Variants in SAMD12 observed in about 807,000 individuals in gnomAD.
SAMD12 encodes the protein sterile alpha motif domain-containing protein 12.
A neutral mutation model predicts 15.0 loss-of-function variants in SAMD12; 9 were observed. The ratio of observed to expected loss-of-function variants is 0.60; its 90% CI spans 0.36 to 1.05. The LOEUF is 1.05. Ranked by LOEUF, SAMD12 falls within the 50% of genes least tolerant of loss-of-function variation. The probability of loss-of-function intolerance (pLI) is 0.01; values close to 1 mark genes in which losing one functional copy is unlikely to be tolerated. For missense variants in SAMD12, 230 were observed against 234.2 expected, an observed-to-expected ratio of 0.98 and a Z score of 0.12; for synonymous variants, 86 against 90.1, an observed-to-expected ratio of 0.96 and a Z score of 0.25.
chr8:118,379,833 T>A, intron 3 of SAMD12, 133 bp from the exon 4 acceptor site: 2 of 1,091,572 alleles, frequency 1.8e-6, no homozygotes, highest in Non-Finnish European at 2.6e-6. Flanking sequence ...ATAAAGGTCT[T>A]CCATTATTAT....
intron 4 of SAMD12, among the ~76,000 whole-genome samples, chr8:118,340,363 T>C (rs1312365582): frequency 6.6e-6 from 1 of 152,204 alleles, no homozygotes; most frequent in Non-Finnish European, 1.5e-5. Flanking sequence ...GGAGGTAAAG[T>C]ATTTCAAGTA....
chr8:118,294,722 A>G (rs1383022416), intron 4 of SAMD12, among the ~76,000 whole-genome samples: 1 of 152,230 alleles, frequency 6.6e-6, no homozygotes, highest in Non-Finnish European at 1.5e-5. Context: ...ATCTACTGTC[A>G]ATAATCAGAA....
intron 4 of SAMD12, among the ~76,000 whole-genome samples, chr8:118,249,156 T>C (rs1812763605): frequency 6.6e-6 from 1 of 152,170 alleles, no homozygotes. Flanking sequence ...TTCAATGTAG[T>C]ATTTGGAAAT....
At chr8:118,270,334 C>T (rs1176001178) in intron 4 of SAMD12, among the ~76,000 whole-genome samples, 1 of 152,082 alleles carries the variant, frequency 6.6e-6, no homozygotes, top group Non-Finnish European at 1.5e-5. Flanking sequence ...TAAAATAAAA[C>T]GACTTTTCTT....
chr8:118,144,243 T>A, the SAMD12 span, among the ~76,000 whole-genome samples: 1 of 152,240 alleles, frequency 6.6e-6, no homozygotes, highest in Non-Finnish European at 1.5e-5. Flanking sequence ...AATTACATCT[T>A]CGAAGACTTT....
intron 2 of SAMD12, among the ~76,000 whole-genome samples, chr8:118,480,080 A>G (rs1824083248): frequency 6.6e-6 from 1 of 152,202 alleles, no homozygotes; most frequent in Non-Finnish European, 1.5e-5. Context: ...CTTCAGCATT[A>G]GGTAATTTAA....
At chr8:118,243,012 T>C (rs1812608478) in intron 4 of SAMD12, among the ~76,000 whole-genome samples, 1 of 152,116 alleles carries the variant, frequency 6.6e-6, no homozygotes, top group Non-Finnish European at 1.5e-5. Flanking sequence ...AGCTCCATCT[T>C]TGGTCTAAAG....
chr8:118,397,939 A>G (rs1820666432), intron 3 of SAMD12, among the ~76,000 whole-genome samples: 2 of 152,114 alleles, frequency 1.3e-5, no homozygotes, highest in African/African-American at 2.4e-5. Context: ...CCATCAGCAC[A>G]TATCACCATG....
intron 1 of SAMD12, among the ~76,000 whole-genome samples, chr8:118,608,818 C>G (rs73319388): frequency 1.3e-5 from 2 of 151,942 alleles, no homozygotes; most frequent in Non-Finnish European, 2.9e-5. Flanking sequence ...GAGGAAGGCA[C>G]GAGAGATGGG....
At chr8:118,610,147 A>C (rs1415706122) in intron 1 of SAMD12, among the ~76,000 whole-genome samples, 1 of 152,170 alleles carries the variant, frequency 6.6e-6, no homozygotes, top group African/African-American at 2.4e-5. Context: ...GCAGCATGAG[A>C]AAACAACAAA....
chr8:118,241,077 T>C (rs1812551672), intron 4 of SAMD12, among the ~76,000 whole-genome samples: 1 of 152,166 alleles, frequency 6.6e-6, no homozygotes, highest in Non-Finnish European at 1.5e-5. Context: ...ATTCATTGAT[T>C]TTAGGGACCA....
At chr8:118,456,803 C>G (rs551403468) in intron 2 of SAMD12, among the ~76,000 whole-genome samples, 1 of 152,158 alleles carries the variant, frequency 6.6e-6, no homozygotes, top group African/African-American at 2.4e-5. Flanking sequence ...ACAAAAGAAG[C>G]CTTTCTGTCA....
intron 2 of SAMD12, among the ~76,000 whole-genome samples, chr8:118,489,765 T>C (rs1437525283): frequency 6.6e-6 from 1 of 152,230 alleles, no homozygotes; most frequent in African/African-American, 2.4e-5. Context: ...CCAGTTGTTA[T>C]AATGGCTTCT....
chr8:118,403,553 A>C (rs918064836), intron 3 of SAMD12, among the ~76,000 whole-genome samples: 7 of 152,240 alleles, frequency 4.6e-5, no homozygotes, highest in African/African-American at 1.7e-4. Context: ...GTAGTCATGA[A>C]AATGAGGATT....
chr8:118,321,879 A>G (rs1208314570), intron 4 of SAMD12, among the ~76,000 whole-genome samples: 1 of 152,204 alleles, frequency 6.6e-6, no homozygotes, highest in African/African-American at 2.4e-5. Context: ...AGGTTTAAAT[A>G]TAAATACTTT....
At chr8:118,477,059 G>C (rs961456076) in intron 2 of SAMD12, among the ~76,000 whole-genome samples, 1 of 127,522 alleles carries the variant, frequency 7.8e-6, no homozygotes, top group Non-Finnish European at 1.6e-5. Context: ...TGATTCTGAG[G>C]CTTTCTTTTT....
chr8:118,558,752 T>C (rs1487355678), intron 2 of SAMD12, among the ~76,000 whole-genome samples: 3 of 151,950 alleles, frequency 2.0e-5, no homozygotes, highest in Non-Finnish European at 4.4e-5. Flanking sequence ...TAGAGACGGG[T>C]TTCACTGTGT....
Position 118,501,023 on chromosome 8 carries a change from A to T in SAMD12, c.193-61062T>A, listed in dbSNP as rs573095301. On this transcript the variant is annotated intron_variant, in intron 2 of 3. Coordinates refer to ENST00000314727, the MANE Select transcript of SAMD12 (RefSeq NM_207506.3). ...TCTGTGTGGAACAGCCACCCGGTAG[A>T]TGTGGAATGGGGGGAATGCCTCTCT... Among the ~76,000 whole-genome samples the T allele has an allele frequency of 3.9e-4, 60 of 152,176 alleles. No homozygotes were observed. The South Asian group carries it at 0.012, about 29-fold the overall frequency.
intron 2 of SAMD12, among the ~76,000 whole-genome samples, chr8:118,579,587 A>G (rs1827233106): frequency 6.6e-6 from 1 of 152,206 alleles, no homozygotes; most frequent in Non-Finnish European, 1.5e-5. Flanking sequence ...TCCAAACTGT[A>G]CATAAAGCAA....
Sources: allele counts gnomAD v4.1 joint callset (sites outside exome capture counted in the v4.1 genomes callset), GRCh38; gene constraint gnomAD v4.1.1; transcripts MANE v1.5; gene names NCBI Gene and HGNC (gene_info 2026-07-23, HGNC 2026-07-21).